Variants in POMC observed in about 807,000 individuals in gnomAD.
The protein encoded by POMC is pro-opiomelanocortin.
A neutral mutation model predicts 18.5 loss-of-function variants in POMC; 19 were observed. The observed-to-expected ratio is 1.03, with a 90% CI of 0.72 to 1.51. The LOEUF (loss-of-function observed/expected upper bound fraction) is 1.51, where lower values mean the gene tolerates loss of function less well. Among genes scored for constraint, POMC ranks in the 40% most tolerant of loss-of-function variants. The pLI, the probability that POMC is intolerant of heterozygous loss-of-function variation, is 0.00. For missense variants in POMC, 451 were observed against 379.0 expected, an observed-to-expected ratio of 1.19 and a Z score of -1.58; for synonymous variants, 179 against 161.9, an observed-to-expected ratio of 1.11 and a Z score of -0.80.
intron 2 of POMC, 86 bp downstream of exon 2, chr2:25,164,555 C>T: frequency 1.3e-6 from 2 of 1,598,822 alleles, no homozygotes; most frequent in Non-Finnish European, 1.7e-6. Flanking sequence ...ATGAATTTCC[C>T]TTTCCCCACA....
In POMC at chr2:25,161,089, C is replaced by T. The variant is rs756335545; in HGVS notation, c.796G>A (p.Gly266Ser). The change falls in exon 3 of 3, where the codon GGC becomes AGC. Residue 266 changes from glycine to serine, a missense_variant. Gly to Ser is a moderately conservative substitution (Grantham distance 56). Coordinates refer to ENST00000395826, the MANE Select transcript of POMC (RefSeq NM_000939.4). This position sits in a 1 kb window ranked among gnomAD's most constrained non-coding sequence, Gnocchi z 5.7. ...GGGGCCCCGCTGTGCCCTCACTCGC[C>T]CTTCTTGTAGGCGTTCTTGATGATG... ...NAIIKNAYKKGE is the reference protein window; with the variant it reads ...NAIIKNAYKKSE 2 of 1,614,008 alleles carry T rather than the reference C, an allele frequency of 1.2e-6. No homozygotes were observed. Among genetic ancestry groups the T allele is most frequent in the Non-Finnish European group, 1.7e-6 (2 of 1,180,018 alleles).
intron 1 of POMC, among the ~76,000 whole-genome samples, chr2:25,166,171 C>T (rs1458535244): frequency 4.6e-5 from 7 of 152,208 alleles, no homozygotes; most frequent in Admixed American, 2.6e-4. Flanking sequence ...TGGGCCTGCA[C>T]GGTGCTAGCT....
In POMC at chr2:25,161,771, G is replaced by C; in HGVS notation, c.133-19C>G. 1 of 1,578,090 alleles carries C rather than the reference G, an allele frequency of 6.3e-7. No individual in the cohort carries two copies. The highest frequency in any genetic ancestry group is 8.6e-7 in the Non-Finnish European group (1 of 1,163,820). On this transcript the variant is annotated intron_variant, in intron 2 of 2. Transcript: ENST00000395826. The surrounding 1 kb of genome is among the most constrained non-coding windows in gnomAD (Gnocchi z 5.7). The stretch of plus-strand genomic sequence containing the variant: ...TGCACTCCTGGGGGAAGACGCGAGG[G>C]CATGAGGGCAGCCCGTGCCCCGCAC...
At chr2:25,166,881 T>G (rs1178589078) in intron 1 of POMC, among the ~76,000 whole-genome samples, 2 of 152,238 alleles carry the variant, frequency 1.3e-5, no homozygotes, top group Non-Finnish European at 2.9e-5. Flanking sequence ...AATGAACAAA[T>G]AGTACCTTTT....
rs10654394 is a variant in POMC at position 25,161,587 on chromosome 2, CGCCGCTGCT to C, written c.289_297del (p.Ser97_Gly99del). On this transcript the variant is annotated inframe_deletion, in exon 3 of 3. Coordinates refer to ENST00000395826, the MANE Select transcript of POMC (RefSeq NM_000939.4). This position sits in a 1 kb window ranked among gnomAD's most constrained non-coding sequence, Gnocchi z 5.7. Reference sequence around the variant, plus strand: ...GAGACGTCCTCGCGCTTCTGCCCTGCGCCGCTGCTGCCGCTGCTGCTGCTGTTGCGGCGG... The same window carrying C: ...GAGACGTCCTCGCGCTTCTGCCCTGCGCCGCTGCTGCTGCTGTTGCGGCGG... 66 of 1,557,812 alleles carry C rather than the reference CGCCGCTGCT, an allele frequency of 4.2e-5. No individual in the cohort carries two copies. The highest frequency in any genetic ancestry group is 8.2e-5 in the African/African-American group (6 of 72,748).
At chr2:25,164,569 T>C (rs1420020196) in intron 2 of POMC, 72 bp downstream of exon 2, 1 of 1,606,318 alleles carries the variant, frequency 6.2e-7, no homozygotes, top group African/African-American at 1.3e-5. Context: ...CCCCACACCC[T>C]TTTCTTTTGA....
At position 25,164,814 on chromosome 2, in the gene POMC, G is replaced by T. The variant is rs768177368; in HGVS notation, c.-20-22C>A. On this transcript the variant is annotated intron_variant, in intron 1 of 2. Transcript: ENST00000395826. ...GGCTCTGCAGAAGCAAACAAGATTG[G>T]TGGGACCCCTGCAAGGAGCAAAACA... 8 of 1,612,048 alleles carry T rather than the reference G, an allele frequency of 5.0e-6. No individual in the cohort carries two copies. In the Admixed American group the frequency reaches 1.3e-4, roughly 27 times the overall value.
Position 25,161,654 on chromosome 2 carries a change from G to A in POMC, c.231C>T (p.Tyr77=), listed in dbSNP as rs746016856. Residue 77 remains tyrosine (Y), a synonymous_variant, in exon 3 of 3, where the codon TAC becomes TAT. Coordinates refer to ENST00000395826, the MANE Select transcript of POMC (RefSeq NM_000939.4). This position sits in a 1 kb window ranked among gnomAD's most constrained non-coding sequence, Gnocchi z 5.7. ...EQPLTENPRK[Y]VMGHFRWDRF... ...GGTCCCAGCGGAAGTGGCCCATGAC[G>A]TACTTCCGGGGGTTCTCGGTCAGAG... is the stretch of plus-strand genomic sequence containing the variant. 13 of 1,557,468 alleles carry A rather than the reference G, an allele frequency of 8.3e-6. No homozygotes were observed. The highest frequency in any genetic ancestry group is 1.1e-5 in the Non-Finnish European group (13 of 1,151,390).
intron 2 of POMC, among the ~76,000 whole-genome samples, chr2:25,163,978 AACAC>A (rs144710976): frequency 1.3e-5 from 2 of 149,640 alleles, no homozygotes; most frequent in Non-Finnish European, 3.0e-5. Flanking sequence ...TATGCCCCCC[AACAC>A]ACACACACAC....
chr2:25,166,780 AG>A (rs1166049582), intron 1 of POMC, among the ~76,000 whole-genome samples: 1 of 152,202 alleles, frequency 6.6e-6, no homozygotes, highest in Non-Finnish European at 1.5e-5. Context: ...CTAAAACTTC[AG>A]ATTCTTCCCT....
intron 2 of POMC, among the ~76,000 whole-genome samples, chr2:25,163,133 C>G (rs1331539708): frequency 3.3e-5 from 5 of 152,212 alleles, no homozygotes; most frequent in Admixed American, 3.3e-4. Context: ...TAAAAGGATC[C>G]TACCCACTCT....
At chr2:25,164,973 TAAG>T (rs1011064833) in intron 1 of POMC, among the ~76,000 whole-genome samples, 181 bp from the exon 2 acceptor site, 3 of 52,186 alleles carry the variant, frequency 5.7e-5, no homozygotes, top group African/African-American at 2.4e-4. Context: ...TAAGTTGTGA[TAAG>T]GAGGAGGGAA....
Position 25,160,881 on chromosome 2 carries a change from C to T in POMC, c.*200G>A, listed in dbSNP as rs1671322480. On this transcript the variant is annotated 3_prime_UTR_variant, in exon 3 of 3. Coordinates refer to ENST00000395826, the MANE Select transcript of POMC (RefSeq NM_000939.4). ...GTTATTTGACGGCTACGTATTTTTA[C>T]TTTATTCACACAGTTTACATTCAAA... is the stretch of plus-strand genomic sequence containing the variant. 10 of 887,758 alleles carry T rather than the reference C, an allele frequency of 1.1e-5. No homozygotes were observed. Among genetic ancestry groups the T allele is most frequent in the Non-Finnish European group, 1.5e-5 (9 of 600,778 alleles). 55.0% of individuals were successfully genotyped at this position (887,758 alleles called of 1,614,324 possible).
In POMC at chr2:25,161,546, G is replaced by A. The variant is rs1216279519; in HGVS notation, c.339C>T (p.Cys113=). The A allele has an allele frequency of 6.3e-7, 1 of 1,576,366 alleles. No individual in the cohort carries two copies. Among genetic ancestry groups the A allele is most frequent in the Non-Finnish European group, 8.6e-7 (1 of 1,161,182 alleles). Reference sequence around the variant, plus strand: ...CGGGGCCGCCCTCAGGCAGCGGGCCGCAGTCTTCGCCCGCTGAGACGTCCT... The same window carrying A: ...CGGGGCCGCCCTCAGGCAGCGGGCCACAGTCTTCGCCCGCTGAGACGTCCT... ...KREDVSAGED[C]GPLPEGGPEP... Residue 113 remains cysteine (C), a synonymous_variant, in exon 3 of 3, where the codon TGC becomes TGT. Coordinates refer to ENST00000395826, the MANE Select transcript of POMC (RefSeq NM_000939.4). The surrounding 1 kb of genome is among the most constrained non-coding windows in gnomAD (Gnocchi z 5.7).
chr2:25,161,733 T>C lies in POMC; in HGVS notation c.152A>G (p.Lys51Arg). 6.3e-7 allele frequency: 1 copy of C among 1,594,784 alleles called. No individual in the cohort carries two copies. The highest frequency in any genetic ancestry group is 8.5e-7 in the Non-Finnish European group (1 of 1,171,776). Residue 51 changes from lysine (K) to arginine (R), a missense_variant, in exon 3 of 3, where the codon AAG becomes AGG. Coordinates refer to ENST00000395826, the MANE Select transcript of POMC (RefSeq NM_000939.4). This position sits in a 1 kb window ranked among gnomAD's most constrained non-coding sequence, Gnocchi z 5.7. ...SNLLECIRAC[K>R]PDLSAETPMF... ...GGGAGTCTCGGCCGAGAGGTCGGGC[T>C]TGCAGGCCCGGATGCACTCCTGGGG...
Position 25,161,179 on chromosome 2 carries a change from G to A in POMC, c.706C>T (p.Arg236Cys). The change falls in exon 3 of 3, where the codon CGC (arginine) becomes TGC (cysteine). Residue 236 changes from arginine to cysteine, a missense_variant. Coordinates refer to ENST00000395826, the MANE Select transcript of POMC (RefSeq NM_000939.4). The surrounding 1 kb of genome is among the most constrained non-coding windows in gnomAD (Gnocchi z 5.7). Reference sequence around the variant, plus strand: ...TCGGAGGTCATGAAACCGCCGTAGCGCTTGTCCTTGGGCGGGCTGCCCCAG... The same window carrying A: ...TCGGAGGTCATGAAACCGCCGTAGCACTTGTCCTTGGGCGGGCTGCCCCAG... The part of the protein sequence containing the change: ...FRWGSPPKDK[R>C]YGGFMTSEKS... 5 of 1,613,854 alleles carry A rather than the reference G, an allele frequency of 3.1e-6. No individual in the cohort carries two copies. The highest frequency in any genetic ancestry group is 4.2e-6 in the Non-Finnish European group (5 of 1,180,012).
rs775640407 is a variant in POMC at position 25,161,672 on chromosome 2, G to A, written c.213C>T (p.Thr71=). ...FPGNGDEQPL[T]ENPRKYVMGH... ...CCATGACGTACTTCCGGGGGTTCTCGGTCAGAGGCTGCTCGTCGCCATTTC... is the reference window on the plus strand; with the variant it reads ...CCATGACGTACTTCCGGGGGTTCTCAGTCAGAGGCTGCTCGTCGCCATTTC... Residue 71 remains threonine, a synonymous_variant, in exon 3 of 3, where the codon ACC becomes ACT. Coordinates refer to ENST00000395826, the MANE Select transcript of POMC (RefSeq NM_000939.4). The surrounding 1 kb of genome is among the most constrained non-coding windows in gnomAD (Gnocchi z 5.7). 7.7e-6 allele frequency: 12 copies of A among 1,566,572 alleles called. 1 individual carries two copies. In the South Asian group the frequency reaches 9.4e-5, roughly 12 times the overall value.
intron 2 of POMC, among the ~76,000 whole-genome samples, chr2:25,162,072 C>T (rs1671412916): frequency 6.6e-6 from 1 of 152,196 alleles, no homozygotes; most frequent in Admixed American, 6.5e-5. Context: ...CTTTTGTGAA[C>T]AGGACCAAAG....
chr2:25,163,074 T>G (rs972858971), intron 2 of POMC, among the ~76,000 whole-genome samples: 1 of 152,210 alleles, frequency 6.6e-6, no homozygotes, highest in African/African-American at 2.4e-5. Flanking sequence ...GATAAAAAGA[T>G]GAAAAGCTCA....
Sources: allele counts gnomAD v4.1 joint callset (sites outside exome capture counted in the v4.1 genomes callset), GRCh38; gene constraint gnomAD v4.1.1; non-coding constraint Gnocchi (gnomAD v3.1); transcripts MANE v1.5; gene names NCBI Gene and HGNC (gene_info 2026-07-23, HGNC 2026-07-21).